The following DDX4 variants were observed in gnomAD, a reference collection of about 807,000 sequenced individuals.
DDX4 encodes the protein DEAD-box helicase 4, also known as probable ATP-dependent RNA helicase DDX4.
In DDX4, 25 loss-of-function variants were observed where a neutral mutation model predicts 100.0. That is an observed-to-expected ratio of 0.25 (90% CI 0.18 to 0.35). The LOEUF (loss-of-function observed/expected upper bound fraction) is 0.35. Among genes scored for constraint, DDX4 ranks in the 10% least tolerant of loss-of-function variants. The pLI is 1.00. For missense variants in DDX4, 635 were observed against 882.4 expected (o/e 0.72, Z 3.55); for synonymous variants, 259 against 275.7 (o/e 0.94, Z 0.60).
At chr5:55,766,859 GAT>G (rs1740955001) in intron 6 of DDX4, 4 of 1,492,060 alleles carry the variant, frequency 2.7e-6, no homozygotes, top group Non-Finnish European at 3.6e-6. Context: ...TGGAAAGCCT[GAT>G]GTCATAGTAA....
intron 17 of DDX4, among the ~76,000 whole-genome samples, chr5:55,794,975 T>C (rs1742833493): frequency 6.6e-6 from 1 of 151,758 alleles, no homozygotes; most frequent in Non-Finnish European, 1.5e-5. Flanking sequence ...TTTTTTTTTT[T>C]TTTTCTTGAG....
At chr5:55,793,315 C>G (rs962228613) in intron 17 of DDX4, among the ~76,000 whole-genome samples, 1 of 152,000 alleles carries the variant, frequency 6.6e-6, no homozygotes, top group African/African-American at 2.4e-5. Context: ...TCCTGCCAGC[C>G]CCTTGTCTCA....
chr5:55,782,362 T>C (rs187323816), intron 10 of DDX4: 232 of 184,786 alleles, frequency 1.3e-3, no homozygotes, highest in African/African-American at 5.3e-3. Flanking sequence ...TCTAGCACTT[T>C]CGGAGGCCTA....
At chr5:55,813,517 A>G (rs553784930) in intron 18 of DDX4, among the ~76,000 whole-genome samples, 156 bp from the exon 19 acceptor site, 47 of 152,250 alleles carry the variant, frequency 3.1e-4, no homozygotes, top group Non-Finnish European at 5.9e-4. Context: ...CCATTCTGGA[A>G]TTAGAGTCCC....
intron 19 of DDX4, among the ~76,000 whole-genome samples, chr5:55,813,998 G>A (rs1017106070): frequency 5.3e-5 from 8 of 152,044 alleles, no homozygotes; most frequent in Non-Finnish European, 1.0e-4. Flanking sequence ...TGGTTGTGGT[G>A]GGTAAGATAA....
chr5:55,758,325 T>G (rs1400735181), intron 3 of DDX4, among the ~76,000 whole-genome samples: 1 of 152,216 alleles, frequency 6.6e-6, no homozygotes, highest in East Asian at 1.9e-4. Flanking sequence ...GGGTTTGGTT[T>G]GCTAATATTT....
intron 18 of DDX4, among the ~76,000 whole-genome samples, chr5:55,805,992 C>G (rs903688623): frequency 6.6e-6 from 1 of 152,290 alleles, no homozygotes; most frequent in African/African-American, 2.4e-5. Flanking sequence ...ATTATTACCT[C>G]AATTTCAGAG....
At chr5:55,789,706 A>G (rs1742440447) in intron 15 of DDX4, among the ~76,000 whole-genome samples, 1 of 152,206 alleles carries the variant, frequency 6.6e-6, no homozygotes, top group Non-Finnish European at 1.5e-5. Context: ...ACAAATTTCA[A>G]GGCAGCGACA....
intron 7 of DDX4, among the ~76,000 whole-genome samples, chr5:55,776,471 A>T (rs1741572452): frequency 6.6e-6 from 1 of 152,218 alleles, no homozygotes. Flanking sequence ...TCATACCCTT[A>T]TGCATGTATT....
intron 2 of DDX4, among the ~76,000 whole-genome samples, chr5:55,743,621 G>C (rs1759100548): frequency 6.6e-6 from 1 of 152,086 alleles, no homozygotes; most frequent in Non-Finnish European, 1.5e-5. Context: ...GTAGAGATGG[G>C]GTTACACCAT....
chr5:55,747,479 C>T (rs997697629), intron 3 of DDX4, among the ~76,000 whole-genome samples: 3 of 152,166 alleles, frequency 2.0e-5, no homozygotes, highest in Admixed American at 1.3e-4. Context: ...CCCAGGAGTT[C>T]AAGGCTACAG....
At chr5:55,805,636 G>T (rs1743647575) in intron 18 of DDX4, among the ~76,000 whole-genome samples, 1 of 152,024 alleles carries the variant, frequency 6.6e-6, no homozygotes, top group Non-Finnish European at 1.5e-5. Flanking sequence ...TTATTGATTT[G>T]CATACATTGA....
chr5:55,790,353 C>T (rs893545944), intron 15 of DDX4, among the ~76,000 whole-genome samples: 2 of 152,054 alleles, frequency 1.3e-5, no homozygotes, highest in Admixed American at 1.3e-4. Context: ...ACCATGTTGG[C>T]CAGGCTGGTC....
At chr5:55,743,829 T>C (rs1390495931) in intron 2 of DDX4, among the ~76,000 whole-genome samples, 1 of 152,176 alleles carries the variant, frequency 6.6e-6, no homozygotes, top group Non-Finnish European at 1.5e-5. Context: ...ATGTGGGATA[T>C]TAAGTTCCAT....
intron 12 of DDX4, 23 bp downstream of exon 12, chr5:55,785,517 C>A (rs1242558473): frequency 1.3e-6 from 2 of 1,531,480 alleles, no homozygotes; most frequent in Non-Finnish European, 1.8e-6. Context: ...TTGTGTGACT[C>A]ACATAGAAGT....
chr5:55,806,122 G>C (rs528475598), intron 18 of DDX4, among the ~76,000 whole-genome samples: 1 of 152,234 alleles, frequency 6.6e-6, no homozygotes, highest in East Asian at 1.9e-4. Flanking sequence ...AGAGGTGTTT[G>C]TAGCATTCTC....
chr5:55,791,567 A>G (rs549924534), intron 16 of DDX4, among the ~76,000 whole-genome samples: 1 of 152,190 alleles, frequency 6.6e-6, no homozygotes, highest in Non-Finnish European at 1.5e-5. Flanking sequence ...TAAGGATTTA[A>G]AGAGGTTAGA....
intron 21 of DDX4, 110 bp from the exon 22 acceptor site, chr5:55,816,353 A>T: frequency 7.0e-7 from 1 of 1,434,544 alleles, no homozygotes. Flanking sequence ...TGGGGAAGAC[A>T]TGGTAGATAC....
At position 55,785,429 on chromosome 5, in the gene DDX4, TA is replaced by T; in HGVS notation, c.674-17del. On this transcript the variant is annotated splice_polypyrimidine_tract_variant and intron_variant, in intron 11 of 21. Coordinates refer to ENST00000505374, the MANE Select transcript of DDX4 (RefSeq NM_024415.3). ...TTTTAAAAAACATGTATCTCTTTTT[TA>T]TTTGATCCTCTTCAAGATTCTTGGA... is the stretch of plus-strand genomic sequence containing the variant. The T allele has an allele frequency of 6.2e-7, 1 of 1,604,766 alleles. No homozygotes were observed. The highest frequency in any genetic ancestry group is 1.1e-5 in the South Asian group (1 of 89,772).
Sources: allele counts gnomAD v4.1 joint callset (sites outside exome capture counted in the v4.1 genomes callset), GRCh38; gene constraint gnomAD v4.1.1; transcripts MANE v1.5; gene names NCBI Gene and HGNC (gene_info 2026-07-23, HGNC 2026-07-21).